Variants in DNAH11 observed in about 807,000 individuals in gnomAD.
DNAH11 encodes dynein axonemal heavy chain 11, also known as axonemal beta dynein heavy chain 11.
DNAH11 carries 442 observed loss-of-function variants against 526.0 expected under a neutral mutation model. The observed-to-expected ratio is 0.84, with a 90% CI of 0.78 to 0.91. The LOEUF (loss-of-function observed/expected upper bound fraction) is 0.91, where lower values mean the gene tolerates loss of function less well. DNAH11 is among the 40% of genes least tolerant of loss of function. The probability of loss-of-function intolerance (pLI) is 0.00; values close to 1 mark genes in which losing one functional copy is unlikely to be tolerated. For missense variants in DNAH11, 6,989 were observed against 5,448.7 expected, an observed-to-expected ratio of 1.28 and a Z score of -8.90; for synonymous variants, 2,461 against 1,935.9, an observed-to-expected ratio of 1.27 and a Z score of -7.12.
intron 68 of DNAH11, among the ~76,000 whole-genome samples, chr7:21,857,517 T>G (rs1414037500): frequency 7.4e-6 from 1 of 134,618 alleles, no homozygotes; most frequent in African/African-American, 2.6e-5. Context: ...TTAAAATAGC[T>G]AAACAATTTT....
intron 76 of DNAH11, among the ~76,000 whole-genome samples, chr7:21,891,079 G>T (rs1342400865): frequency 6.6e-6 from 1 of 152,092 alleles, no homozygotes; most frequent in East Asian, 1.9e-4. Flanking sequence ...ATGATTGTGT[G>T]GAAATTCACA....
chr7:21,681,219 G>C (rs866572922), intron 30 of DNAH11, among the ~76,000 whole-genome samples: 1 of 152,080 alleles, frequency 6.6e-6, no homozygotes, highest in South Asian at 2.1e-4. Context: ...TCAAGGTCAG[G>C]AGTTTGAGAC....
intron 5 of DNAH11, among the ~76,000 whole-genome samples, chr7:21,563,517 T>A (rs1447073423): frequency 1.3e-5 from 2 of 152,132 alleles, no homozygotes; most frequent in Non-Finnish European, 2.9e-5. Flanking sequence ...TTAAAAAAAA[T>A]ATTTACCATG....
intron 65 of DNAH11, among the ~76,000 whole-genome samples, chr7:21,834,689 A>G (rs916185947): frequency 4.6e-5 from 7 of 152,094 alleles, no homozygotes; most frequent in African/African-American, 1.7e-4. Context: ...TAAAAATTAT[A>G]AGATAAATTA....
chr7:21,596,656 A>T (rs1041427417), intron 14 of DNAH11, among the ~76,000 whole-genome samples: 1 of 152,220 alleles, frequency 6.6e-6, no homozygotes, highest in Non-Finnish European at 1.5e-5. Context: ...ATGAAAATGC[A>T]TTAAAAGTAT....
intron 6 of DNAH11, 47 bp downstream of exon 6, chr7:21,564,444 G>A: frequency 6.8e-7 from 1 of 1,473,372 alleles, no homozygotes; most frequent in Non-Finnish European, 9.4e-7. Context: ...TTGCTGTGAG[G>A]TAGGTTTTAC....
intron 65 of DNAH11, among the ~76,000 whole-genome samples, chr7:21,839,723 A>C (rs761466226): frequency 6.6e-6 from 1 of 152,204 alleles, no homozygotes; most frequent in Non-Finnish European, 1.5e-5. Flanking sequence ...AAACTGAATA[A>C]AGTGAATAAA....
intron 2 of DNAH11, among the ~76,000 whole-genome samples, chr7:21,547,180 T>C (rs1171452450): frequency 2.0e-5 from 3 of 152,244 alleles, no homozygotes; most frequent in Non-Finnish European, 4.4e-5. Context: ...TTTTAAACGA[T>C]ATTTCTAGAG....
intron 75 of DNAH11, among the ~76,000 whole-genome samples, chr7:21,883,996 T>C (rs376508644): frequency 5.9e-5 from 9 of 152,184 alleles, no homozygotes; most frequent in African/African-American, 2.2e-4. Flanking sequence ...TGAGCTGTGA[T>C]TGTGCCACTG....
chr7:21,897,145 A>G (rs1784544235), intron 79 of DNAH11, among the ~76,000 whole-genome samples: 2 of 152,152 alleles, frequency 1.3e-5, no homozygotes, highest in South Asian at 4.1e-4. Flanking sequence ...AAGGGTGCCT[A>G]GCTTAGTTTT....
chr7:21,618,531 C>T (rs1322360271), intron 23 of DNAH11: 1 of 156,252 alleles, frequency 6.4e-6, no homozygotes, highest in African/African-American at 2.4e-5. Flanking sequence ...GAAGGAGAGT[C>T]AATGTGAGAG....
chr7:21,593,039 T>C (rs115131669), intron 14 of DNAH11, among the ~76,000 whole-genome samples: 45 of 152,268 alleles, frequency 3.0e-4, no homozygotes, highest in African/African-American at 9.1e-4. Context: ...GTATGGTATT[T>C]AGAGCCATAT....
chr7:21,610,743 A>T (rs1214651683), intron 20 of DNAH11, among the ~76,000 whole-genome samples: 1 of 152,224 alleles, frequency 6.6e-6, no homozygotes, highest in Non-Finnish European at 1.5e-5. Context: ...GATGGGTTAA[A>T]GAGCTCATTA....
chr7:21,572,947 A>G (rs6976617), intron 8 of DNAH11, among the ~76,000 whole-genome samples: 26,542 of 152,178 alleles, frequency 0.17, 2,359 homozygotes, highest in Middle Eastern at 0.24. Context: ...AAGGCATTCA[A>G]TAAATACGTA....
chr7:21,590,991 C>A lies in DNAH11; in HGVS notation c.2243C>A (p.Ala748Asp). 1 of 1,516,570 alleles carries A rather than the reference C, an allele frequency of 6.6e-7. No individual in the cohort carries two copies. The highest frequency in any genetic ancestry group is 8.8e-7 in the Non-Finnish European group (1 of 1,142,504). The allele number at this position is 1,516,570 out of a possible 1,614,324, so 93.9% of individuals were successfully genotyped here. A position where few individuals can be genotyped will look rare whatever the true frequency, so the allele number is the denominator to read the frequency against. ...KKQDIPDSAL[A>D]IFKKRNTILK... Reference sequence around the variant, plus strand: ...CAAGACATACCAGATTCAGCTTTAGCCATCTTCAAGAAAAGGAACACTATT... The same window carrying A: ...CAAGACATACCAGATTCAGCTTTAGACATCTTCAAGAAAAGGAACACTATT... Residue 748 changes from alanine to aspartate, a missense_variant, in exon 13 of 82, where the codon GCC becomes GAC. Transcript: ENST00000409508.
chr7:21,654,764 C>G (rs1781937996), intron 28 of DNAH11, among the ~76,000 whole-genome samples: 1 of 152,158 alleles, frequency 6.6e-6, no homozygotes, highest in Non-Finnish European at 1.5e-5. Context: ...TTTACTCAGT[C>G]TACCTCAAGA....
At chr7:21,688,933 T>C (rs1783499690) in intron 34 of DNAH11, among the ~76,000 whole-genome samples, 2 of 152,242 alleles carry the variant, frequency 1.3e-5, no homozygotes. Context: ...CCTTAGTTTT[T>C]AGAATATTTT....
Position 21,655,995 on chromosome 7 carries a change from A to G in DNAH11, c.5094+14A>G. 1 of 1,579,456 alleles carries G rather than the reference A, an allele frequency of 6.3e-7. No individual in the cohort carries two copies. The highest frequency in any genetic ancestry group is 8.6e-7 in the Non-Finnish European group (1 of 1,160,834). On this transcript the variant is annotated intron_variant, in intron 29 of 81. Coordinates refer to ENST00000409508, the MANE Select transcript of DNAH11 (RefSeq NM_001277115.2). The stretch of plus-strand genomic sequence containing the variant: ...TGTGTGGGCCATGTAAGATTTGATT[A>G]TGAGGTTTTCTATGCTAGGGGAGTA...
chr7:21,547,328 C>T (rs1185572387), intron 2 of DNAH11, among the ~76,000 whole-genome samples: 3 of 152,198 alleles, frequency 2.0e-5, no homozygotes, highest in South Asian at 2.1e-4. Flanking sequence ...GTGAGAAACA[C>T]ATTTATCCTT....
Sources: allele counts gnomAD v4.1 joint callset (sites outside exome capture counted in the v4.1 genomes callset), GRCh38; gene constraint gnomAD v4.1.1; transcripts MANE v1.5; gene names NCBI Gene and HGNC (gene_info 2026-07-23, HGNC 2026-07-21).